The following MSH4 variants were observed in gnomAD, a reference collection of about 807,000 sequenced individuals.
MSH4 encodes the protein mutS homolog 4, also known as mutS protein homolog 4.
Under a neutral mutation model 113.7 loss-of-function variants are expected in MSH4, and 106 were observed. The ratio of observed to expected loss-of-function variants is 0.93; its 90% CI spans 0.80 to 1.10. The LOEUF (loss-of-function observed/expected upper bound fraction) is 1.10, where lower values mean the gene tolerates loss of function less well. Ranked by LOEUF, MSH4 falls within the 50% of genes least tolerant of loss-of-function variation. The pLI is 0.00. For missense variants in MSH4, 1,061 were observed against 1,093.7 expected (o/e 0.97, Z 0.42); for synonymous variants, 368 against 380.2 (o/e 0.97, Z 0.37).
At chr1:75,863,101 G>A (rs1362242623) in intron 8 of MSH4, among the ~76,000 whole-genome samples, 1 of 151,876 alleles carries the variant, frequency 6.6e-6, no homozygotes, top group African/African-American at 2.4e-5. Flanking sequence ...GCATCATTTT[G>A]AATAACTTTT....
chr1:75,834,067 GAACTT>G (rs916375634), intron 7 of MSH4, among the ~76,000 whole-genome samples: 10 of 152,108 alleles, frequency 6.6e-5, no homozygotes, highest in Admixed American at 2.6e-4. Context: ...AATCTACAAA[GAACTT>G]AAACAAATGT....
At chr1:75,799,265 T>G (rs1325039524) in intron 1 of MSH4, among the ~76,000 whole-genome samples, 10 of 151,982 alleles carry the variant, frequency 6.6e-5, no homozygotes, top group Admixed American at 5.2e-4. Context: ...CTCACAATAA[T>G]TTTGCAGAGT....
chr1:75,901,019 AT>A (rs1043394433), intron 19 of MSH4, among the ~76,000 whole-genome samples: 5 of 151,946 alleles, frequency 3.3e-5, no homozygotes, highest in East Asian at 1.9e-4. Context: ...GATAATTGTG[AT>A]TTTTTTCTTT....
chr1:75,803,665 T>C, intron 1 of MSH4, 66 bp from the exon 2 acceptor site: 1 of 1,127,126 alleles, frequency 8.9e-7, no homozygotes, highest in South Asian at 2.0e-5. Context: ...GTATAAATTA[T>C]AATGACTAAT....
intron 7 of MSH4, among the ~76,000 whole-genome samples, chr1:75,833,682 G>A (rs1404114432): frequency 1.3e-5 from 2 of 152,162 alleles, no homozygotes; most frequent in Admixed American, 6.5e-5. Context: ...AAGAAATGAG[G>A]AAAGGATTCC....
At chr1:75,841,685 G>A (rs1309922437) in intron 7 of MSH4, among the ~76,000 whole-genome samples, 1 of 152,036 alleles carries the variant, frequency 6.6e-6, no homozygotes, top group African/African-American at 2.4e-5. Context: ...AACCTAGAGA[G>A]TACTGATCAA....
At chr1:75,877,241 C>T (rs577814551) in intron 10 of MSH4, among the ~76,000 whole-genome samples, 1 of 152,102 alleles carries the variant, frequency 6.6e-6, no homozygotes, top group African/African-American at 2.4e-5. Context: ...AACTTGAAAT[C>T]CAAGCACAAT....
chr1:75,840,199 G>A (rs1306381947), intron 7 of MSH4, among the ~76,000 whole-genome samples: 1 of 147,186 alleles, frequency 6.8e-6, no homozygotes, highest in Non-Finnish European at 1.5e-5. Flanking sequence ...AAATCATGCT[G>A]CTATAAAGAC....
intron 7 of MSH4, among the ~76,000 whole-genome samples, chr1:75,826,113 G>T (rs967588995): frequency 1.3e-5 from 2 of 151,896 alleles, no homozygotes; most frequent in East Asian, 3.9e-4. Context: ...TTTGGTTGGT[G>T]GGCTATTAAT....
chr1:75,901,754 T>C (rs1652509839), intron 19 of MSH4, among the ~76,000 whole-genome samples: 1 of 152,118 alleles, frequency 6.6e-6, no homozygotes, highest in Non-Finnish European at 1.5e-5. Context: ...ATAGTGGCAA[T>C]ACTAATTTAC....
chr1:75,890,431 G>A (rs1652225990), intron 16 of MSH4, among the ~76,000 whole-genome samples: 1 of 151,932 alleles, frequency 6.6e-6, no homozygotes, highest in South Asian at 2.1e-4. Flanking sequence ...TGTATCTAAA[G>A]CATCAATATT....
intron 19 of MSH4, among the ~76,000 whole-genome samples, chr1:75,907,137 A>C (rs1432144497): frequency 2.0e-5 from 3 of 152,078 alleles, no homozygotes; most frequent in African/African-American, 7.2e-5. Flanking sequence ...GCATGTTAGC[A>C]TTCTTTCCTT....
At chr1:75,812,161 A>G (rs986831808) in intron 4 of MSH4, among the ~76,000 whole-genome samples, 7 of 152,300 alleles carry the variant, frequency 4.6e-5, no homozygotes, top group African/African-American at 1.4e-4. Context: ...AAGGAAATGT[A>G]TTGGCTTATG....
chr1:75,825,944 ACCAGGTTT>A (rs1557497949), intron 7 of MSH4, among the ~76,000 whole-genome samples: 1 of 151,948 alleles, frequency 6.6e-6, no homozygotes, highest in Non-Finnish European at 1.5e-5. Context: ...TTGTGTCTGT[ACCAGGTTT>A]TGGAATCAGG....
intron 16 of MSH4, 69 bp from the exon 17 acceptor site, chr1:75,890,627 C>G (rs1426248364): frequency 1.3e-6 from 1 of 791,714 alleles, no homozygotes; most frequent in African/African-American, 1.8e-5. Flanking sequence ...TGGGTTTCTC[C>G]TCATTTTTTC....
At chr1:75,846,952 T>A (rs1181124975) in intron 7 of MSH4, among the ~76,000 whole-genome samples, 1 of 152,202 alleles carries the variant, frequency 6.6e-6, no homozygotes, top group East Asian at 1.9e-4. Context: ...CTGAGTAATT[T>A]ATAAAGGACA....
rs774373153 is a variant in MSH4, at chr1:75,879,112, C to A, written c.1661C>A (p.Pro554His). The change falls in exon 12 of 20, where the codon CCT (proline) becomes CAT (histidine). Residue 554 changes from proline to histidine, a missense_variant. Transcript: ENST00000263187. ...DCIALPSDQLPSEFIKISKVK... is the reference protein window; with the variant it reads ...DCIALPSDQLHSEFIKISKVK... ...ATAGCCCTACCTAGTGATCAACTTC[C>A]TTCAGAATTTATTAAGGTTCATTTT... The A allele has an allele frequency of 6.2e-7, 1 of 1,610,784 alleles. No individual in the cohort carries two copies. Among genetic ancestry groups the A allele is most frequent in the Non-Finnish European group, 8.5e-7 (1 of 1,177,574 alleles).
intron 7 of MSH4, among the ~76,000 whole-genome samples, chr1:75,833,402 G>T (rs12211895): frequency 3.9e-5 from 6 of 152,028 alleles, no homozygotes; most frequent in Non-Finnish European, 7.4e-5. Flanking sequence ...TTCAAGCTAC[G>T]AATGACTTTC....
chr1:75,823,452 A>T (rs1650475483), intron 7 of MSH4, among the ~76,000 whole-genome samples: 2 of 150,672 alleles, frequency 1.3e-5, no homozygotes, highest in Admixed American at 1.3e-4. Context: ...CATATTGCTA[A>T]TTTTTTTTTT....
Sources: allele counts gnomAD v4.1 joint callset (sites outside exome capture counted in the v4.1 genomes callset), GRCh38; gene constraint gnomAD v4.1.1; transcripts MANE v1.5; gene names NCBI Gene and HGNC (gene_info 2026-07-23, HGNC 2026-07-21).